The following LPCAT1 variants were observed in gnomAD, a reference collection of about 807,000 sequenced individuals.
LPCAT1 encodes the protein lysophosphatidylcholine acyltransferase 1, also known as 1-acylglycerol-3-phosphate O-acyltransferase.
LPCAT1 carries 23 observed loss-of-function variants against 60.9 expected under a neutral mutation model. The observed-to-expected ratio is 0.38, with a 90% CI of 0.27 to 0.53. The LOEUF is 0.53. Among genes scored for constraint, LPCAT1 ranks in the 20% least tolerant of loss-of-function variants. The probability of loss-of-function intolerance (pLI) is 0.82; values close to 1 mark genes in which losing one functional copy is unlikely to be tolerated. For missense variants in LPCAT1, 622 were observed against 723.6 expected, an observed-to-expected ratio of 0.86 and a Z score of 1.61; for synonymous variants, 340 against 301.1, an observed-to-expected ratio of 1.13 and a Z score of -1.34.
intron 2 of LPCAT1, among the ~76,000 whole-genome samples, chr5:1,497,237 A>G (rs56342902): frequency 0.068 from 10,283 of 152,332 alleles, 479 homozygotes; most frequent in Non-Finnish European, 0.1. Flanking sequence ...CACAGGAAAG[A>G]CTGGGAAATG....
chr5:1,512,309 C>A (rs182017818), intron 1 of LPCAT1, among the ~76,000 whole-genome samples: 207 of 152,314 alleles, frequency 1.4e-3, no homozygotes, highest in African/African-American at 4.1e-3. Flanking sequence ...CACCCGCCTT[C>A]GGAGTCACTG....
At chr5:1,494,552 C>T in intron 3 of LPCAT1, 148 bp downstream of exon 3, 1 of 706,632 alleles carries the variant, frequency 1.4e-6, no homozygotes, top group Middle Eastern at 3.4e-4. Flanking sequence ...TCCCTCATTG[C>T]CAGCAACAGA....
At chr5:1,512,509 T>C (rs1736387825) in intron 1 of LPCAT1, among the ~76,000 whole-genome samples, 1 of 152,218 alleles carries the variant, frequency 6.6e-6, no homozygotes, top group Non-Finnish European at 1.5e-5. Context: ...AGACACAGCT[T>C]GCTGAAGTGC....
intron 7 of LPCAT1, 102 bp from the exon 8 acceptor site, chr5:1,479,777 G>T: frequency 1.2e-6 from 1 of 862,874 alleles, no homozygotes; most frequent in African/African-American, 1.7e-5. Context: ...CCCTCCAGAG[G>T]GCGCTACTGG....
chr5:1,499,774 G>A lies in LPCAT1; in HGVS notation c.278+1687C>T, dbSNP rs1001892304. Among the ~76,000 whole-genome samples the A allele has an allele frequency of 7.9e-5, 12 of 152,270 alleles. 1 individual carries two copies. The highest frequency in any genetic ancestry group is 2.6e-4 in the African/African-American group (11 of 41,558). On this transcript the variant is annotated intron_variant, in intron 2 of 13. Transcript: ENST00000283415. ...GCACCATGTCTGCACGCAACGGTGCGGCAAACCCGGGACCCTAAGTGGCCG... is the reference window on the plus strand; with the variant it reads ...GCACCATGTCTGCACGCAACGGTGCAGCAAACCCGGGACCCTAAGTGGCCG...
chr5:1,498,286 T>C (rs1179181785), intron 2 of LPCAT1, among the ~76,000 whole-genome samples: 2 of 152,210 alleles, frequency 1.3e-5, no homozygotes, highest in East Asian at 1.9e-4. Context: ...AGGTTTCCCC[T>C]TGGGGAGTTC....
intron 5 of LPCAT1, among the ~76,000 whole-genome samples, chr5:1,484,477 G>A (rs1735295638): frequency 6.6e-6 from 1 of 152,214 alleles, no homozygotes; most frequent in South Asian, 2.1e-4. Context: ...TCCCCTGCCT[G>A]GCGACCTGAG....
At chr5:1,492,938 C>G (rs547299877) in intron 3 of LPCAT1, among the ~76,000 whole-genome samples, 1 of 152,248 alleles carries the variant, frequency 6.6e-6, no homozygotes, top group Non-Finnish European at 1.5e-5. Context: ...AGATGACGAA[C>G]GACCATGGGC....
chr5:1,495,333 G>T lies in LPCAT1; in HGVS notation c.279-419C>A, dbSNP rs55720759. Reference sequence around the variant, plus strand: ...ACCTAAAACGCATATCGCAATATGGGGGGGGGGGCGCTCAGAGCTGAGGGC... The same window carrying T: ...ACCTAAAACGCATATCGCAATATGGTGGGGGGGGCGCTCAGAGCTGAGGGC... On this transcript the variant is annotated intron_variant, in intron 2 of 13. Coordinates refer to ENST00000283415, the MANE Select transcript of LPCAT1 (RefSeq NM_024830.5). This position sits in a 1 kb window ranked among gnomAD's most constrained non-coding sequence, Gnocchi z 4.7. Among the ~76,000 whole-genome samples the T allele has an allele frequency of 1.7e-5, 2 of 119,470 alleles. No homozygotes were observed. The highest frequency in any genetic ancestry group is 7.9e-5 in the Admixed American group (1 of 12,592). The allele number at this position is 119,470 out of a possible 152,430, so 78.4% of individuals were successfully genotyped here.
intron 2 of LPCAT1, among the ~76,000 whole-genome samples, chr5:1,498,877 C>T (rs7714969): frequency 0.017 from 2,528 of 152,260 alleles, 71 homozygotes; most frequent in African/African-American, 0.056. Context: ...GCACGTGTAC[C>T]TACTCCCGTG....
chr5:1,479,847 G>C (rs960340265), intron 7 of LPCAT1, among the ~76,000 whole-genome samples, 172 bp from the exon 8 acceptor site: 2 of 151,628 alleles, frequency 1.3e-5, no homozygotes, highest in South Asian at 2.1e-4. Context: ...CCAGTGTGAC[G>C]TACAGCCGTG....
Position 1,481,042 on chromosome 5 carries a change from C to A in LPCAT1, c.727-66G>T. The A allele has an allele frequency of 6.3e-7, 1 of 1,575,866 alleles. No individual in the cohort carries two copies. Among genetic ancestry groups the A allele is most frequent in the Non-Finnish European group, 8.7e-7 (1 of 1,148,340 alleles). On this transcript the variant is annotated intron_variant, in intron 6 of 13. Transcript: ENST00000283415. The surrounding 1 kb of genome is among the most constrained non-coding windows in gnomAD (Gnocchi z 7.8). ...ACCCAGGGCCTGCACCAAGCACCTGCGTGTGCCGGCCTCTCCCTGCACCTC... is the reference window on the plus strand; with the variant it reads ...ACCCAGGGCCTGCACCAAGCACCTGAGTGTGCCGGCCTCTCCCTGCACCTC...
rs1368837562 is a variant in LPCAT1 at position 1,502,378 on chromosome 5, T to C, written c.136-775A>G. On this transcript the variant is annotated intron_variant, in intron 1 of 13. Transcript: ENST00000283415. The surrounding 1 kb of genome is among the most constrained non-coding windows in gnomAD (Gnocchi z 5.5). ...AGGCAGTGTTGGTGACAGGGGGAGGTAGCTGGCCTGCAGTTTGCAAGGTTG... is the reference window on the plus strand; with the variant it reads ...AGGCAGTGTTGGTGACAGGGGGAGGCAGCTGGCCTGCAGTTTGCAAGGTTG... 6.7e-6 allele frequency among the ~76,000 whole-genome samples: 1 copy of C among 149,992 alleles called. No individual in the cohort carries two copies. The highest frequency in any genetic ancestry group is 1.5e-5 in the Non-Finnish European group (1 of 67,384).
In LPCAT1 at chr5:1,487,684, C is replaced by T. The variant is rs1388822022; in HGVS notation, c.667+707G>A. On this transcript the variant is annotated intron_variant, in intron 5 of 13. Transcript: ENST00000283415. The surrounding 1 kb of genome is among the most constrained non-coding windows in gnomAD (Gnocchi z 6.1). ...TCTGATCCAACCACAGAGAACAGGT[C>T]TGCATGCCCCAGTATGGACACAGTT... Among the ~76,000 whole-genome samples, 2 of 152,154 alleles carry T rather than the reference C, an allele frequency of 1.3e-5. No individual in the cohort carries two copies. Among genetic ancestry groups the T allele is most frequent in the Non-Finnish European group, 2.9e-5 (2 of 68,040 alleles).
intron 2 of LPCAT1, among the ~76,000 whole-genome samples, chr5:1,500,797 T>G (rs1459654447): frequency 6.6e-6 from 1 of 152,236 alleles, no homozygotes; most frequent in Non-Finnish European, 1.5e-5. Flanking sequence ...TGGCAGGAGA[T>G]GCCATGGTGG....
intron 1 of LPCAT1, among the ~76,000 whole-genome samples, chr5:1,514,150 T>C (rs1736435568): frequency 1.3e-5 from 2 of 152,302 alleles, no homozygotes; most frequent in Admixed American, 1.3e-4. Context: ...AGGCTGGAGA[T>C]GCCAGGGCCC....
In LPCAT1 at chr5:1,495,076, C is replaced by T. The variant is rs1236959650; in HGVS notation, c.279-162G>A. 1.0e-5 allele frequency: 7 copies of T among 670,620 alleles called. No individual in the cohort carries two copies. The highest frequency in any genetic ancestry group is 4.1e-4 in the Middle Eastern group (1 of 2,438). 41.5% of individuals were successfully genotyped at this position (670,620 alleles called of 1,614,324 possible). On this transcript the variant is annotated intron_variant, in intron 2 of 13. Transcript: ENST00000283415. The surrounding 1 kb of genome is among the most constrained non-coding windows in gnomAD (Gnocchi z 4.7). ...GACATCTGCTTGAGGGAAGAAAAGA[C>T]GCCGCGCCTTCCTGGCCTCCGCCTG...
In LPCAT1 at chr5:1,477,508, G is replaced by GT; in HGVS notation, c.817-23dup. 6 of 1,581,848 alleles carry GT rather than the reference G, an allele frequency of 3.8e-6. No individual in the cohort carries two copies. The highest frequency in any genetic ancestry group is 5.2e-6 in the Non-Finnish European group (6 of 1,153,696). The stretch of plus-strand genomic sequence containing the variant: ...GGAACTGAGCACACAGAGAAGCTGC[G>GT]TTAGTATCACAAGACGCTGACCTCA... On this transcript the variant is annotated intron_variant, in intron 8 of 13. Transcript: ENST00000283415. This position sits in a 1 kb window ranked among gnomAD's most constrained non-coding sequence, Gnocchi z 6.0.
rs183896252 is a variant in LPCAT1, at chr5:1,463,432, C to T, written c.*219G>A. 5.5e-4 allele frequency: 314 copies of T among 569,098 alleles called. 3 individuals are homozygous for T. In the East Asian group the frequency reaches 8.4e-3, roughly 15 times the overall value. The allele number at this position is 569,098 out of a possible 1,614,324, so 35.3% of individuals were successfully genotyped here. On this transcript the variant is annotated 3_prime_UTR_variant, in exon 14 of 14. Transcript: ENST00000283415. ...CGGGGTCCAGGCCAGGCGGGGGATCCGCGTGCGCGCCCTCCGATTCTCGCA... is the reference window on the plus strand; with the variant it reads ...CGGGGTCCAGGCCAGGCGGGGGATCTGCGTGCGCGCCCTCCGATTCTCGCA...
Sources: allele counts gnomAD v4.1 joint callset (sites outside exome capture counted in the v4.1 genomes callset), GRCh38; gene constraint gnomAD v4.1.1; non-coding constraint Gnocchi (gnomAD v3.1); transcripts MANE v1.5; gene names NCBI Gene and HGNC (gene_info 2026-07-23, HGNC 2026-07-21).